The following RSBN1 variants were observed in gnomAD, a reference collection of about 807,000 sequenced individuals.
RSBN1 encodes the protein lysine-specific demethylase 9.
RSBN1 carries 23 observed loss-of-function variants against 74.8 expected under a neutral mutation model. The observed-to-expected ratio is 0.31, with a 90% CI of 0.22 to 0.44. RSBN1 has a LOEUF of 0.44. RSBN1 is among the 20% of genes least tolerant of loss of function. RSBN1 has a pLI of 1.00. For synonymous variants in RSBN1, 407 were observed against 379.6 expected (o/e 1.07, Z -0.84); for missense variants, 808 against 1,020.9 (o/e 0.79, Z 2.84).
At chr1:113,797,011 A>T (rs1193316680) in intron 2 of RSBN1, among the ~76,000 whole-genome samples, 1 of 151,340 alleles carries the variant, frequency 6.6e-6, no homozygotes, top group African/African-American at 2.5e-5. Flanking sequence ...TTTTATTATG[A>T]TATAAAAGCA....
intron 4 of RSBN1, among the ~76,000 whole-genome samples, chr1:113,769,909 TAGAC>T (rs1659856857): frequency 6.6e-6 from 1 of 152,222 alleles, no homozygotes; most frequent in Admixed American, 6.5e-5. Flanking sequence ...GGTAGAAATG[TAGAC>T]AGACATTTAG....
At chr1:113,789,585 T>C (rs1660325922) in intron 2 of RSBN1, among the ~76,000 whole-genome samples, 1 of 152,190 alleles carries the variant, frequency 6.6e-6, no homozygotes, top group South Asian at 2.1e-4. Context: ...TCCAGAGGCC[T>C]GGACTTGTGA....
chr1:113,811,064 A>T (rs1223269064), intron 1 of RSBN1, among the ~76,000 whole-genome samples: 2 of 152,140 alleles, frequency 1.3e-5, no homozygotes, highest in East Asian at 1.9e-4. Flanking sequence ...ACAAATTCCC[A>T]CTTTTCAGAG....
chr1:113,806,685 GCT>G (rs1204583394), intron 1 of RSBN1, among the ~76,000 whole-genome samples: 1 of 151,386 alleles, frequency 6.6e-6, no homozygotes, highest in Non-Finnish European at 1.5e-5. Context: ...TAAAATTTTT[GCT>G]CTGTGAAGTA....
At chr1:113,807,207 G>C (rs143324913) in intron 1 of RSBN1, among the ~76,000 whole-genome samples, 2 of 151,752 alleles carry the variant, frequency 1.3e-5, no homozygotes, top group African/African-American at 4.8e-5. Context: ...ACAGCTACTC[G>C]GGAGGCTGAC....
At chr1:113,791,039 T>C (rs1660354040) in intron 2 of RSBN1, among the ~76,000 whole-genome samples, 1 of 152,120 alleles carries the variant, frequency 6.6e-6, no homozygotes, top group African/African-American at 2.4e-5. Flanking sequence ...GTTTATGTAC[T>C]GGAGCACAGT....
At chr1:113,768,975 C>T (rs866420728) in intron 4 of RSBN1, among the ~76,000 whole-genome samples, 2 of 151,856 alleles carry the variant, frequency 1.3e-5, no homozygotes, top group Middle Eastern at 3.4e-3. Flanking sequence ...GTGTTAGCAT[C>T]ATAAGGCTTT....
At position 113,811,898 on chromosome 1, in the gene RSBN1, G is replaced by A; in HGVS notation, c.515C>T (p.Thr172Ile). 6.2e-7 allele frequency: 1 copy of A among 1,612,144 alleles called. No homozygotes were observed. Among genetic ancestry groups the A allele is most frequent in the East Asian group, 2.2e-5 (1 of 44,820 alleles). ...LPAPSTSALF[T>I]FSPLTVSAAG... Reference sequence around the variant, plus strand: ...CGCGCTCACCGTCAGAGGCGAGAAGGTGAAGAGGGCCGAGGTGCTTGGGGC... The same window carrying A: ...CGCGCTCACCGTCAGAGGCGAGAAGATGAAGAGGGCCGAGGTGCTTGGGGC... Residue 172 changes from threonine (T) to isoleucine (I), a missense_variant, in exon 1 of 7, where the codon ACC becomes ATC. Physicochemically the swap from Thr to Ile is moderately conservative, Grantham distance 89. Transcript: ENST00000261441.
At chr1:113,796,463 G>T (rs1031543285) in intron 2 of RSBN1, among the ~76,000 whole-genome samples, 1 of 152,058 alleles carries the variant, frequency 6.6e-6, no homozygotes, top group African/African-American at 2.4e-5. Context: ...AATTCAGGCA[G>T]CTGAGAGTCT....
At chr1:113,793,356 T>G (rs1360942810) in intron 2 of RSBN1, among the ~76,000 whole-genome samples, 1 of 152,216 alleles carries the variant, frequency 6.6e-6, no homozygotes, top group African/African-American at 2.4e-5. Context: ...CCAATTCAAT[T>G]CCTAATTGAT....
chr1:113,770,035 C>T (rs1305881281), intron 4 of RSBN1, among the ~76,000 whole-genome samples: 1 of 152,156 alleles, frequency 6.6e-6, no homozygotes, highest in Non-Finnish European at 1.5e-5. Flanking sequence ...TATGTGACCT[C>T]ATTCACAAGC....
chr1:113,766,270 C>A lies in RSBN1; in HGVS notation c.2119G>T (p.Val707Phe). 2 of 1,614,126 alleles carry A rather than the reference C, an allele frequency of 1.2e-6. No individual in the cohort carries two copies. The highest frequency in any genetic ancestry group is 1.7e-6 in the Non-Finnish European group (2 of 1,179,964). Residue 707 changes from valine to phenylalanine, a missense_variant, in exon 7 of 7, where the codon GTT becomes TTT. This residue lies in a region of RSBN1 where 38 missense variants were observed against 120.6 expected (regional missense o/e 0.32). Coordinates refer to ENST00000261441, the MANE Select transcript of RSBN1 (RefSeq NM_018364.5). ...WHIRLKQYHP[V>F]VEATQNTESN... is the part of the protein sequence containing the mutation. Reference sequence around the variant, plus strand: ...TCTGTGTTTTGAGTGGCTTCCACAACAGGGTGGTACTGTTTAAGCCTTATA... The same window carrying A: ...TCTGTGTTTTGAGTGGCTTCCACAAAAGGGTGGTACTGTTTAAGCCTTATA...
chr1:113,778,938 T>C (rs1276635511), intron 2 of RSBN1, among the ~76,000 whole-genome samples: 3 of 152,248 alleles, frequency 2.0e-5, no homozygotes, highest in Non-Finnish European at 4.4e-5. Flanking sequence ...AATCTGATAC[T>C]ATTCCTCTAG....
chr1:113,809,104 G>C (rs1660777091), intron 1 of RSBN1, among the ~76,000 whole-genome samples: 1 of 151,718 alleles, frequency 6.6e-6, no homozygotes, highest in Non-Finnish European at 1.5e-5. Context: ...GCGAAGGAAG[G>C]ACATAGCTTT....
chr1:113,763,582 T>C lies in RSBN1; in HGVS notation c.*2398A>G, dbSNP rs1659724951. 1 of 152,838 alleles carries C rather than the reference T, an allele frequency of 6.5e-6. No individual in the cohort carries two copies. The highest frequency in any genetic ancestry group is 1.5e-5 in the Non-Finnish European group (1 of 68,042). The allele number at this position is 152,838 out of a possible 1,614,324, so 9.5% of individuals were successfully genotyped here. ...TTTAAAGCATGCTATTAAAATCTAATACTCACATAGGACATTCAGTTTTCA... is the reference window on the plus strand; with the variant it reads ...TTTAAAGCATGCTATTAAAATCTAACACTCACATAGGACATTCAGTTTTCA... On this transcript the variant is annotated 3_prime_UTR_variant, in exon 7 of 7. Transcript: ENST00000261441.
rs957985997 is a variant in RSBN1, at chr1:113,762,594, C to A, written c.*3386G>T. On this transcript the variant is annotated 3_prime_UTR_variant, in exon 7 of 7. Coordinates refer to ENST00000261441, the MANE Select transcript of RSBN1 (RefSeq NM_018364.5). ...CAAAATTATCCTAAAGGCATAAATG[C>A]AAATAAATTTTTTATGGCAAATACA... 6.6e-6 allele frequency: 1 copy of A among 152,602 alleles called. No individual in the cohort carries two copies. Among genetic ancestry groups the A allele is most frequent in the East Asian group, 1.9e-4 (1 of 5,332 alleles). 9.5% of individuals were successfully genotyped at this position (152,602 alleles called of 1,614,324 possible). A position where few individuals can be genotyped will look rare whatever the true frequency, so the allele number is the denominator to read the frequency against.
chr1:113,780,734 T>C (rs1041419100), intron 2 of RSBN1, among the ~76,000 whole-genome samples: 3 of 152,228 alleles, frequency 2.0e-5, no homozygotes, highest in Non-Finnish European at 2.9e-5. Flanking sequence ...GAATTAACAA[T>C]GTTCAATTTT....
At chr1:113,774,539 T>A (rs888522619) in intron 4 of RSBN1, among the ~76,000 whole-genome samples, 3 of 151,448 alleles carry the variant, frequency 2.0e-5, no homozygotes, top group Non-Finnish European at 2.9e-5. Flanking sequence ...TAGCCGGGCA[T>A]CATAGCGGGA....
At chr1:113,770,709 T>C (rs1017941402) in intron 4 of RSBN1, among the ~76,000 whole-genome samples, 1 of 152,142 alleles carries the variant, frequency 6.6e-6, no homozygotes, top group Non-Finnish European at 1.5e-5. Flanking sequence ...AATGCTTTAT[T>C]TTAACATATG....
Sources: gnomAD v4.1 joint callset for allele counts (sites outside exome capture counted in the v4.1 genomes callset) on GRCh38, gnomAD v4.1.1 for gene constraint, gnomAD v4.1.1 regional missense constraint, MANE v1.5 for transcripts, NCBI Gene and HGNC (gene_info 2026-07-23, HGNC 2026-07-21) for gene names.